JMJD7: variants seen among roughly 807,000 people sequenced by gnomAD.
JMJD7 encodes the protein bifunctional peptidase and (3S)-lysyl hydroxylase JMJD7.
A neutral mutation model predicts 41.1 loss-of-function variants in JMJD7; 41 were observed. That is an observed-to-expected ratio of 1.00 (90% CI 0.78 to 1.30). The LOEUF (loss-of-function observed/expected upper bound fraction) is 1.30. Ranked by LOEUF, JMJD7 falls within the 50% of genes most tolerant of loss-of-function variation. JMJD7 has a pLI of 0.00. For missense variants in JMJD7, 480 were observed against 420.7 expected (o/e 1.14, Z -1.23); for synonymous variants, 202 against 177.2 (o/e 1.14, Z -1.11).
intron 6 of JMJD7, 24 bp downstream of exon 6, chr15:41,836,575 T>C: frequency 2.6e-6 from 4 of 1,539,996 alleles, no homozygotes; most frequent in Non-Finnish European, 3.5e-6. Context: ...TCTTGGGCTC[T>C]AGGGAGGGAG....
intron 1 of JMJD7, among the ~76,000 whole-genome samples, chr15:41,829,584 G>A (rs1238033122): frequency 1.3e-5 from 2 of 152,232 alleles, no homozygotes; most frequent in African/African-American, 2.4e-5. Context: ...ATAAGCCACT[G>A]CTCCCGGCCT....
In JMJD7 at chr15:41,835,238, G is replaced by A. The variant is rs932615267; in HGVS notation, c.472+15G>A. The stretch of plus-strand genomic sequence containing the variant: ...CGAAGCCCTGGGTGAGTGGAGGTGG[G>A]GTGGTCGTGGCCCTGGACAGGGAAG... On this transcript the variant is annotated intron_variant, in intron 3 of 7. Transcript: ENST00000397299. The A allele has an allele frequency of 6.3e-7, 1 of 1,594,006 alleles. No individual in the cohort carries two copies.
chr15:41,828,135 C>T lies in JMJD7; in HGVS notation c.11C>T (p.Ala4Val), dbSNP rs371932277. Residue 4 changes from alanine (A) to valine (V), a missense_variant, in exon 1 of 8, where the codon GCG becomes GTG. Physicochemically the swap from Ala to Val is moderately conservative, Grantham distance 64 (BLOSUM62 0). Transcript: ENST00000397299. ...GGCGCTGACGCAGCCATGGCGGAGG[C>T]GGCTTTGGAAGCCGTGCGGAGCGAG... MAE[A>V]ALEAVRSELR... The T allele has an allele frequency of 2.0e-6, 3 of 1,466,894 alleles. No individual in the cohort carries two copies. Among genetic ancestry groups the T allele is most frequent in the East Asian group, 2.8e-5 (1 of 36,114 alleles). The allele number at this position is 1,466,894 out of a possible 1,614,324, so 90.9% of individuals were successfully genotyped here. A position where few individuals can be genotyped will look rare whatever the true frequency, so the allele number is the denominator to read the frequency against.
rs1012921068 is a variant in JMJD7, at chr15:41,828,138, C to T, written c.14C>T (p.Ala5Val). The change falls in exon 1 of 8, where the codon GCT becomes GTT. Residue 5 changes from alanine (A) to valine (V), a missense_variant. Transcript: ENST00000397299. MAEA[A>V]LEAVRSELRE... Reference sequence around the variant, plus strand: ...GCTGACGCAGCCATGGCGGAGGCGGCTTTGGAAGCCGTGCGGAGCGAGTTA... The same window carrying T: ...GCTGACGCAGCCATGGCGGAGGCGGTTTTGGAAGCCGTGCGGAGCGAGTTA... 4.8e-6 allele frequency: 7 copies of T among 1,473,246 alleles called. No individual in the cohort carries two copies. The highest frequency in any genetic ancestry group is 1.4e-5 in the South Asian group (1 of 71,416). The allele number at this position is 1,473,246 out of a possible 1,614,324, so 91.3% of individuals were successfully genotyped here. A position where few individuals can be genotyped will look rare whatever the true frequency, so the allele number is the denominator to read the frequency against.
intron 1 of JMJD7, among the ~76,000 whole-genome samples, chr15:41,830,691 C>A (rs1424965878): frequency 6.6e-6 from 1 of 152,246 alleles, no homozygotes; most frequent in Non-Finnish European, 1.5e-5. Flanking sequence ...AGGCCCCTTC[C>A]TGCTGCCGCA....
intron 6 of JMJD7, 114 bp downstream of exon 6, chr15:41,836,665 T>C: frequency 6.8e-7 from 1 of 1,467,724 alleles, no homozygotes; most frequent in South Asian, 1.4e-5. Context: ...TCTCTAAGTC[T>C]GAGGCCTTTC....
chr15:41,831,748 A>G (rs1319132033), intron 1 of JMJD7, among the ~76,000 whole-genome samples: 12 of 152,100 alleles, frequency 7.9e-5, no homozygotes, highest in Admixed American at 7.9e-4. Context: ...CCTCTGAGCT[A>G]TCCTATGGCT....
Position 41,828,412 on chromosome 15 carries a change from C to A in JMJD7, c.64+224C>A, listed in dbSNP as rs116137755. 5.1e-3 allele frequency: 2,394 copies of A among 465,154 alleles called. 44 individuals are homozygous for A. The highest frequency in any genetic ancestry group is 0.045 in the African/African-American group (2,199 of 49,284). 28.8% of individuals were successfully genotyped at this position (465,154 alleles called of 1,614,324 possible). A position where few individuals can be genotyped will look rare whatever the true frequency, so the allele number is the denominator to read the frequency against. The stretch of plus-strand genomic sequence containing the variant: ...TCCCAAGGCCCGGTGCCGTCTTGAC[C>A]GTGGTCGCGGCGAAGCCCTGTGTTT... On this transcript the variant is annotated intron_variant, in intron 1 of 7. Coordinates refer to ENST00000397299, the MANE Select transcript of JMJD7 (RefSeq NM_001114632.2).
intron 1 of JMJD7, among the ~76,000 whole-genome samples, chr15:41,832,867 G>T (rs1421107291): frequency 6.6e-6 from 1 of 152,196 alleles, no homozygotes; most frequent in Non-Finnish European, 1.5e-5. Context: ...CCTAGAGCAT[G>T]AATGTAGCAA....
Sources: allele counts gnomAD v4.1 joint callset (sites outside exome capture counted in the v4.1 genomes callset), GRCh38; gene constraint gnomAD v4.1.1; transcripts MANE v1.5; gene names NCBI Gene and HGNC (gene_info 2026-07-23, HGNC 2026-07-21).